RORA: variants seen among roughly 807,000 people sequenced by gnomAD.
RORA encodes the protein RAR related orphan receptor A.
Under a neutral mutation model 69.5 loss-of-function variants are expected in RORA, and 7 were observed. The ratio of observed to expected loss-of-function variants is 0.10; its 90% confidence interval spans 0.06 to 0.19. The LOEUF (loss-of-function observed/expected upper bound fraction) is 0.19. Among genes scored for constraint, RORA ranks in the 10% least tolerant of loss-of-function variants. The pLI, the probability that RORA is intolerant of heterozygous loss-of-function variation, is 1.00. For missense variants in RORA, 457 were observed against 663.0 expected (o/e 0.69, Z 3.41); for synonymous variants, 261 against 240.8 (o/e 1.08, Z -0.78).
intron 1 of RORA, among the ~76,000 whole-genome samples, chr15:61,081,446 A>C (rs547718819): frequency 1.3e-5 from 2 of 152,332 alleles, no homozygotes; most frequent in African/African-American, 4.8e-5. Context: ...CAGATCTTTG[A>C]ATATACACTG....
At chr15:60,741,457 G>A (rs1387940667) in intron 1 of RORA, among the ~76,000 whole-genome samples, 2 of 152,208 alleles carry the variant, frequency 1.3e-5, no homozygotes, top group East Asian at 1.9e-4. Context: ...GGGAAAGTGA[G>A]ATGGGTCTAT....
intron 1 of RORA, among the ~76,000 whole-genome samples, chr15:60,817,321 T>G (rs963223880): frequency 1.4e-4 from 22 of 152,332 alleles, no homozygotes; most frequent in Admixed American, 3.3e-4. Context: ...AATAGCATTA[T>G]GTCTAAAATA....
chr15:60,832,886 T>A lies in RORA; in HGVS notation c.167-154200A>T, dbSNP rs552883604. On this transcript the variant is annotated intron_variant, in intron 1 of 10. Coordinates refer to ENST00000335670, the MANE Select transcript of RORA (RefSeq NM_134261.3). ...AGCCTTCTCCTCGTCCCATCTAACC[T>A]TCTGTTCCATCCCAACTGAGTGTTC... Among the ~76,000 whole-genome samples, 3 of 152,284 alleles carry A rather than the reference T, an allele frequency of 2.0e-5. No individual in the cohort carries two copies. The East Asian group carries it at 5.8e-4, about 29-fold the overall frequency.
intron 1 of RORA, among the ~76,000 whole-genome samples, chr15:60,893,532 A>G (rs1286650330): frequency 5.9e-5 from 9 of 152,216 alleles, no homozygotes; most frequent in Non-Finnish European, 1.5e-5. Flanking sequence ...CAAGAAATCA[A>G]AGCAGCCGAT....
chr15:60,542,889 T>C (rs1019160053), intron 2 of RORA, among the ~76,000 whole-genome samples: 1 of 141,970 alleles, frequency 7.0e-6, no homozygotes, highest in Non-Finnish European at 1.5e-5. Context: ...ACAACACATA[T>C]ACACCACACG....
Position 61,061,581 on chromosome 15 carries a change from C to G in RORA, c.166+167472G>C, listed in dbSNP as rs2078187640. 6.6e-6 allele frequency among the ~76,000 whole-genome samples: 1 copy of G among 152,108 alleles called. No individual in the cohort carries two copies. Among genetic ancestry groups the G allele is most frequent in the South Asian group, 2.1e-4 (1 of 4,824 alleles). On this transcript the variant is annotated intron_variant, in intron 1 of 10. Coordinates refer to ENST00000335670, the MANE Select transcript of RORA (RefSeq NM_134261.3). The surrounding 1 kb of genome is among the most constrained non-coding windows in gnomAD (Gnocchi z 4.4). ...TTTTCAGTAACTTACGTACCAACCT[C>G]TAAGCCCCTTTATGGTTGATTCATT...
intron 1 of RORA, among the ~76,000 whole-genome samples, chr15:60,707,908 A>T (rs2071086290): frequency 1.3e-5 from 2 of 152,152 alleles, no homozygotes; most frequent in African/African-American, 4.8e-5. Context: ...GTTCTTCCAG[A>T]TCTGCTTCTC....
intron 1 of RORA, among the ~76,000 whole-genome samples, chr15:61,032,490 T>G (rs1738114494): frequency 6.6e-6 from 1 of 152,320 alleles, no homozygotes; most frequent in South Asian, 2.1e-4. Context: ...AATCAAGAAC[T>G]TCTATATTTG....
At chr15:60,962,790 A>G (rs1226281591) in intron 1 of RORA, among the ~76,000 whole-genome samples, 3 of 152,216 alleles carry the variant, frequency 2.0e-5, no homozygotes, top group African/African-American at 7.2e-5. Context: ...AGGGCTGACA[A>G]TCAAACTGGG....
At chr15:60,942,936 T>C (rs1430974477) in intron 1 of RORA, among the ~76,000 whole-genome samples, 4 of 152,236 alleles carry the variant, frequency 2.6e-5, no homozygotes, top group Non-Finnish European at 5.9e-5. Context: ...AGAGTTGAAA[T>C]TGCAGCTCAC....
At chr15:60,916,743 G>A (rs1891884564) in intron 1 of RORA, among the ~76,000 whole-genome samples, 1 of 152,138 alleles carries the variant, frequency 6.6e-6, no homozygotes, top group Non-Finnish European at 1.5e-5. Context: ...TGACCCCCAG[G>A]TGATTCTGAC....
chr15:61,203,843 C>G (rs1208529866), intron 1 of RORA, among the ~76,000 whole-genome samples: 1 of 152,224 alleles, frequency 6.6e-6, no homozygotes, highest in Admixed American at 6.5e-5. Flanking sequence ...ATATGACTGA[C>G]AGCAAACTTA....
At chr15:60,749,054 A>G (rs557508710) in intron 1 of RORA, among the ~76,000 whole-genome samples, 2 of 152,326 alleles carry the variant, frequency 1.3e-5, no homozygotes, top group East Asian at 3.9e-4. Context: ...GTCCATCCCC[A>G]GGGATCCTGA....
intron 1 of RORA, among the ~76,000 whole-genome samples, chr15:60,818,077 A>C (rs2072841382): frequency 6.6e-6 from 1 of 152,188 alleles, no homozygotes; most frequent in Admixed American, 6.5e-5. Flanking sequence ...AGAGAGAAAT[A>C]CTGTGAGTGA....
intron 2 of RORA, among the ~76,000 whole-genome samples, chr15:60,535,295 A>G (rs2066641974): frequency 6.6e-6 from 1 of 152,260 alleles, no homozygotes. Context: ...ATGCGCACAT[A>G]TAATCATGAA....
chr15:60,564,638 G>T (rs1294295692), intron 2 of RORA, among the ~76,000 whole-genome samples: 4 of 152,136 alleles, frequency 2.6e-5, no homozygotes, highest in Admixed American at 1.3e-4. Context: ...CAGGAAAGGT[G>T]GGGGCCTGGG....
At chr15:60,619,270 C>T (rs1001130310) in intron 2 of RORA, among the ~76,000 whole-genome samples, 1 of 152,192 alleles carries the variant, frequency 6.6e-6, no homozygotes, top group African/African-American at 2.4e-5. Context: ...AATGGATCAT[C>T]TTTCTTTGGA....
At chr15:61,110,658 GA>G (rs2078997625) in intron 1 of RORA, among the ~76,000 whole-genome samples, 1 of 152,144 alleles carries the variant, frequency 6.6e-6, no homozygotes, top group Non-Finnish European at 1.5e-5. Flanking sequence ...AGGGGGACAA[GA>G]TGTGGGTGTG....
intron 2 of RORA, among the ~76,000 whole-genome samples, chr15:60,581,152 C>G (rs373293146): frequency 6.6e-6 from 1 of 152,158 alleles, no homozygotes; most frequent in African/African-American, 2.4e-5. Flanking sequence ...TCTTAACAGT[C>G]GAAATGAGCA....
Sources: allele counts gnomAD v4.1 joint callset (sites outside exome capture counted in the v4.1 genomes callset), GRCh38; gene constraint gnomAD v4.1.1; non-coding constraint Gnocchi (gnomAD v3.1); transcripts MANE v1.5; gene names NCBI Gene and HGNC (gene_info 2026-07-23, HGNC 2026-07-21).